Variants in CDC73 observed in about 807,000 individuals in gnomAD.
The protein encoded by CDC73 is cell division cycle 73.
CDC73 carries 21 observed loss-of-function variants against 83.7 expected under a neutral mutation model. The ratio of observed to expected loss-of-function variants is 0.25; its 90% CI spans 0.18 to 0.36. The LOEUF (loss-of-function observed/expected upper bound fraction) is 0.36. Among genes scored for constraint, CDC73 ranks in the 10% least tolerant of loss-of-function variants. The pLI is 1.00. For missense variants in CDC73, 342 were observed against 653.3 expected, an observed-to-expected ratio of 0.52 and a Z score of 5.19; for synonymous variants, 224 against 212.9, an observed-to-expected ratio of 1.05 and a Z score of -0.45.
chr1:193,224,227 A>C (rs543954891), intron 13 of CDC73, among the ~76,000 whole-genome samples: 140 of 151,232 alleles, frequency 9.3e-4, no homozygotes, highest in African/African-American at 3.3e-3. Context: ...TTTTTTTGGG[A>C]ATTATTGTTG....
chr1:193,162,296 A>ATATACTATATATTATATATCATATATAC (rs1558293636), intron 10 of CDC73, among the ~76,000 whole-genome samples: 39 of 129,760 alleles, frequency 3.0e-4, no homozygotes, highest in African/African-American at 1.1e-3. Context: ...ATGATATATT[A>ATATACTATATATTATATATCATATATAC]TATATACTAT....
At position 193,254,234 on chromosome 1, in the gene CDC73, A is replaced by G. The variant is rs1049818253; in HGVS notation, c.*3522A>G. ...TTATTGGTTTGTCTGGTTAAAGTCCATATAGAATGCTGAGAAATAATTTAT... is the reference window on the plus strand; with the variant it reads ...TTATTGGTTTGTCTGGTTAAAGTCCGTATAGAATGCTGAGAAATAATTTAT... On this transcript the variant is annotated 3_prime_UTR_variant, in exon 17 of 17. Transcript: ENST00000367435. Among the ~76,000 whole-genome samples, 6 of 152,058 alleles carry G rather than the reference A, an allele frequency of 3.9e-5. No homozygotes were observed. Among genetic ancestry groups the G allele is most frequent in the African/African-American group, 1.4e-4 (6 of 41,446 alleles).
At chr1:193,123,185 A>G (rs1675496517) in intron 1 of CDC73, among the ~76,000 whole-genome samples, 1 of 152,162 alleles carries the variant, frequency 6.6e-6, no homozygotes, top group African/African-American at 2.4e-5. Flanking sequence ...AAGCTTTATG[A>G]AGAGTCGATG....
At chr1:193,137,325 C>T (rs987180684) in intron 5 of CDC73, among the ~76,000 whole-genome samples, 1 of 152,194 alleles carries the variant, frequency 6.6e-6, no homozygotes, top group African/African-American at 2.4e-5. Flanking sequence ...AGCCCAACAT[C>T]TTTTTGGATC....
intron 10 of CDC73, among the ~76,000 whole-genome samples, chr1:193,199,142 TA>T (rs1354668466): frequency 4.6e-5 from 7 of 152,204 alleles, no homozygotes; most frequent in Admixed American, 1.3e-4. Context: ...TAAGAAGTCT[TA>T]AAAAAATTGT....
intron 2 of CDC73, among the ~76,000 whole-genome samples, chr1:193,129,525 G>A (rs377378777): frequency 3.0e-5 from 1 of 33,092 alleles, no homozygotes; most frequent in Non-Finnish European, 7.3e-5. Flanking sequence ...TATTTATTTA[G>A]AGACGGAATC....
chr1:193,219,150 A>C (rs1200346725), intron 13 of CDC73, among the ~76,000 whole-genome samples: 1 of 152,250 alleles, frequency 6.6e-6, no homozygotes, highest in African/African-American at 2.4e-5. Flanking sequence ...TAACATCACT[A>C]ATCATTAGAG....
intron 13 of CDC73, among the ~76,000 whole-genome samples, chr1:193,215,891 C>G (rs887067537): frequency 5.9e-5 from 9 of 151,946 alleles, no homozygotes; most frequent in African/African-American, 2.2e-4. Context: ...TGCCCAGCCT[C>G]AAAAAATTCT....
At chr1:193,203,400 A>G (rs1425774576) in intron 10 of CDC73, among the ~76,000 whole-genome samples, 1 of 152,154 alleles carries the variant, frequency 6.6e-6, no homozygotes, top group Non-Finnish European at 1.5e-5. Flanking sequence ...AGGAGGGTAT[A>G]TATCATTTAT....
intron 10 of CDC73, among the ~76,000 whole-genome samples, chr1:193,158,502 TAAA>T (rs58072960): frequency 6.7e-6 from 1 of 149,476 alleles, no homozygotes; most frequent in Non-Finnish European, 1.5e-5. Flanking sequence ...TCTCTAAAAA[TAAA>T]AAAAAAAATT....
intron 15 of CDC73, among the ~76,000 whole-genome samples, chr1:193,247,390 C>G (rs1018770514): frequency 3.3e-5 from 5 of 151,982 alleles, no homozygotes; most frequent in African/African-American, 7.2e-5. Flanking sequence ...TCATCTCTCT[C>G]TCTCTCTCTC....
intron 3 of CDC73, among the ~76,000 whole-genome samples, chr1:193,134,466 C>T (rs918349911): frequency 2.6e-5 from 4 of 152,022 alleles, no homozygotes; most frequent in African/African-American, 7.2e-5. Flanking sequence ...GTCAGGAGAT[C>T]GAGACCATTC....
chr1:193,242,806 T>C (rs781766004), intron 15 of CDC73, among the ~76,000 whole-genome samples: 51 of 152,282 alleles, frequency 3.3e-4, no homozygotes, highest in Non-Finnish European at 5.1e-4. Context: ...TTTGTTGCTT[T>C]CCCCAAAAAA....
intron 10 of CDC73, among the ~76,000 whole-genome samples, chr1:193,196,354 T>G (rs1677003491): frequency 6.6e-6 from 1 of 152,158 alleles, no homozygotes; most frequent in South Asian, 2.1e-4. Context: ...ATGTCTGTCT[T>G]TATGCCTCTT....
intron 10 of CDC73, among the ~76,000 whole-genome samples, chr1:193,159,336 G>GC (rs1005502221): frequency 9.2e-5 from 14 of 152,162 alleles, no homozygotes; most frequent in African/African-American, 3.1e-4. Flanking sequence ...GTTTAGCATT[G>GC]CCCTTTTCAC....
intron 10 of CDC73, among the ~76,000 whole-genome samples, chr1:193,168,515 C>G (rs1169660970): frequency 6.6e-6 from 1 of 150,930 alleles, no homozygotes; most frequent in Admixed American, 6.6e-5. Context: ...TTCTGTTGTC[C>G]ATGTTTAACT....
chr1:193,194,589 A>G (rs1163188474), intron 10 of CDC73, among the ~76,000 whole-genome samples: 1 of 152,192 alleles, frequency 6.6e-6, no homozygotes, highest in Non-Finnish European at 1.5e-5. Flanking sequence ...GACTTATGAC[A>G]GAATCATTCA....
At chr1:193,220,353 G>A (rs779353226) in intron 13 of CDC73, among the ~76,000 whole-genome samples, 2 of 151,596 alleles carry the variant, frequency 1.3e-5, no homozygotes, top group Non-Finnish European at 2.9e-5. Context: ...TAGTAGAGAC[G>A]GGGTTTCACC....
At chr1:193,191,743 A>G (rs528680170) in intron 10 of CDC73, among the ~76,000 whole-genome samples, 108 of 152,254 alleles carry the variant, frequency 7.1e-4, no homozygotes, top group Middle Eastern at 3.4e-3. Context: ...TTTTTAAAAT[A>G]TATATGTAGA....
Sources: gnomAD v4.1 joint callset for allele counts (sites outside exome capture counted in the v4.1 genomes callset) on GRCh38, gnomAD v4.1.1 for gene constraint, MANE v1.5 for transcripts, NCBI Gene and HGNC (gene_info 2026-07-23, HGNC 2026-07-21) for gene names.